NSUN6: variants seen among roughly 807,000 people sequenced by gnomAD.
The protein encoded by NSUN6 is NOP2/Sun RNA methyltransferase 6.
NSUN6 carries 64 observed loss-of-function variants against 58.0 expected under a neutral mutation model. That is an observed-to-expected ratio of 1.10 (90% CI 0.90 to 1.36). The LOEUF is 1.36. Ranked by LOEUF, NSUN6 falls within the 40% of genes most tolerant of loss-of-function variation. The pLI, the probability that NSUN6 is intolerant of heterozygous loss-of-function variation, is 0.00. For synonymous variants in NSUN6, 231 were observed against 193.9 expected, an observed-to-expected ratio of 1.19 and a Z score of -1.59; for missense variants, 701 against 550.1, an observed-to-expected ratio of 1.27 and a Z score of -2.74.
At chr10:18,573,620 C>A (rs75531151) in intron 8 of NSUN6, among the ~76,000 whole-genome samples, 1 of 152,092 alleles carries the variant, frequency 6.6e-6, no homozygotes, top group East Asian at 1.9e-4. Context: ...TTCTCCAGTA[C>A]GTGGATGACC....
At chr10:18,571,389 C>A (rs1047228669) in intron 8 of NSUN6, among the ~76,000 whole-genome samples, 1 of 151,664 alleles carries the variant, frequency 6.6e-6, no homozygotes, top group African/African-American at 2.4e-5. Context: ...CCATTCCATT[C>A]CATTCTACAT....
At chr10:18,646,812 CAG>C (rs1290591418) in intron 2 of NSUN6, among the ~76,000 whole-genome samples, 1 of 152,182 alleles carries the variant, frequency 6.6e-6, no homozygotes, top group Non-Finnish European at 1.5e-5. Context: ...GCCTGGGCGA[CAG>C]AGTGAGACTC....
At chr10:18,633,582 A>T (rs1448657016) in intron 3 of NSUN6, among the ~76,000 whole-genome samples, 2 of 152,148 alleles carry the variant, frequency 1.3e-5, no homozygotes, top group Non-Finnish European at 2.9e-5. Context: ...TGAACAGGAC[A>T]GGCTCCTGGA....
At chr10:18,601,590 G>C (rs764200410) in intron 6 of NSUN6, among the ~76,000 whole-genome samples, 18 of 152,186 alleles carry the variant, frequency 1.2e-4, no homozygotes, top group Non-Finnish European at 2.4e-4. Context: ...TAGAGCTGAG[G>C]TTCCCTACAT....
intron 7 of NSUN6, among the ~76,000 whole-genome samples, chr10:18,589,936 T>C (rs1589977352): frequency 6.6e-6 from 1 of 152,200 alleles, no homozygotes; most frequent in Admixed American, 6.5e-5. Flanking sequence ...AATGACCAAA[T>C]GCCCCAATTA....
chr10:18,567,392 C>A lies in NSUN6; in HGVS notation c.923-15421G>T, dbSNP rs1037056381. Among the ~76,000 whole-genome samples, 24 of 150,306 alleles carry A rather than the reference C, an allele frequency of 1.6e-4. 1 individual carries two copies. Among genetic ancestry groups the A allele is most frequent in the Admixed American group, 1.5e-3 (23 of 15,044 alleles). On this transcript the variant is annotated intron_variant, in intron 8 of 10. Coordinates refer to ENST00000377304, the MANE Select transcript of NSUN6 (RefSeq NM_182543.5). Reference sequence around the variant, plus strand: ...ATTCCATTTTCCATTCCATTCCATACCATTCTCCATCATTGCATTTCATGC... The same window carrying A: ...ATTCCATTTTCCATTCCATTCCATAACATTCTCCATCATTGCATTTCATGC...
intron 8 of NSUN6, among the ~76,000 whole-genome samples, chr10:18,557,535 T>G (rs2055131486): frequency 6.8e-6 from 1 of 146,902 alleles, no homozygotes; most frequent in South Asian, 2.2e-4. Context: ...TGGAATGGAA[T>G]GGAATGGATG....
At chr10:18,645,081 C>G (rs1199600833) in intron 2 of NSUN6, among the ~76,000 whole-genome samples, 1 of 148,584 alleles carries the variant, frequency 6.7e-6, no homozygotes, top group East Asian at 2.0e-4. Context: ...TTGCTTGAAC[C>G]TGGGAGGCAG....
At chr10:18,649,501 G>A (rs371848875) in intron 1 of NSUN6, among the ~76,000 whole-genome samples, 80 of 152,080 alleles carry the variant, frequency 5.3e-4, no homozygotes, top group African/African-American at 1.8e-3. Context: ...GGTGGCCCCT[G>A]TCTGAGGTCC....
In NSUN6 at chr10:18,651,413, C is replaced by T. The variant is rs1157217380; in HGVS notation, c.-210G>A. 4.8e-6 allele frequency: 6 copies of T among 1,256,606 alleles called. No homozygotes were observed. In the South Asian group the frequency reaches 8.0e-5, roughly 17 times the overall value. The allele number at this position is 1,256,606 out of a possible 1,614,324, so 77.8% of individuals were successfully genotyped here. A position where few individuals can be genotyped will look rare whatever the true frequency, so the allele number is the denominator to read the frequency against. On this transcript the variant is annotated 5_prime_UTR_variant, in exon 1 of 11. Transcript: ENST00000377304. Reference sequence around the variant, plus strand: ...AGGGGCTGCCGGGCTTCCACCACACCTCATCGAGGCAATGTTTTCTGGTAG... The same window carrying T: ...AGGGGCTGCCGGGCTTCCACCACACTTCATCGAGGCAATGTTTTCTGGTAG...
intron 5 of NSUN6, among the ~76,000 whole-genome samples, chr10:18,611,361 T>C (rs1230027742): frequency 1.3e-5 from 2 of 152,114 alleles, no homozygotes; most frequent in African/African-American, 4.8e-5. Context: ...TATGAGTTGA[T>C]CTTGGCAGAC....
chr10:18,614,516 T>G lies in NSUN6; in HGVS notation c.519A>C (p.Gly173=). 6.4e-7 allele frequency: 1 copy of G among 1,567,750 alleles called. No homozygotes were observed. Among genetic ancestry groups the G allele is most frequent in the Non-Finnish European group, 8.6e-7 (1 of 1,158,564 alleles). The change falls in exon 5 of 11, where the codon GGA becomes GGC. Residue 173 remains glycine, a synonymous_variant. Coordinates refer to ENST00000377304, the MANE Select transcript of NSUN6 (RefSeq NM_182543.5). The part of the protein sequence containing the change: ...KEFDGTKVFL[G]NGISELSRKE... ...TGCGGCTTAGTTCAGAAATCCCATTTCCAAGAAATACTTTTGTTCCATCAA... is the reference window on the plus strand; with the variant it reads ...TGCGGCTTAGTTCAGAAATCCCATTGCCAAGAAATACTTTTGTTCCATCAA...
At chr10:18,574,068 T>C (rs1415171044) in intron 8 of NSUN6, among the ~76,000 whole-genome samples, 1 of 152,074 alleles carries the variant, frequency 6.6e-6, no homozygotes, top group Non-Finnish European at 1.5e-5. Context: ...TTCCACCTTT[T>C]TGTTAATGTG....
chr10:18,620,988 T>C lies in NSUN6; in HGVS notation c.312-4695A>G, dbSNP rs556007264. Among the ~76,000 whole-genome samples, 5 of 152,358 alleles carry C rather than the reference T, an allele frequency of 3.3e-5. No homozygotes were observed. The South Asian group carries it at 8.3e-4, about 25-fold the overall frequency. ...AAAAAAGTTAACATAGTAGGCCTGA[T>C]CTGTTATCTTTGAAAAGCCTGCTTA... On this transcript the variant is annotated intron_variant, in intron 3 of 10. Transcript: ENST00000377304.
At chr10:18,635,695 A>C (rs771799137) in intron 3 of NSUN6, among the ~76,000 whole-genome samples, 2 of 151,548 alleles carry the variant, frequency 1.3e-5, no homozygotes, top group Non-Finnish European at 2.9e-5. Flanking sequence ...AAAATTAGCC[A>C]GGTATGGTGG....
At chr10:18,656,685 G>A (rs1051811209), upstream of NSUN6, among the ~76,000 whole-genome samples, 2 of 152,004 alleles carry the variant, frequency 1.3e-5, no homozygotes, top group East Asian at 3.8e-4. Flanking sequence ...TTGAATTCCC[G>A]AGTTGTTTGA....
chr10:18,587,562 T>G (rs2057209465), intron 7 of NSUN6, among the ~76,000 whole-genome samples: 1 of 150,156 alleles, frequency 6.7e-6, no homozygotes, highest in Non-Finnish European at 1.5e-5. Context: ...AGAACGTGAG[T>G]GATTTCTGCA....
At chr10:18,565,508 T>TTCTAC (rs1394416319) in intron 8 of NSUN6, among the ~76,000 whole-genome samples, 3 of 151,068 alleles carry the variant, frequency 2.0e-5, no homozygotes, top group East Asian at 3.9e-4. Context: ...TTCCATTCTA[T>TTCTAC]TCTACTCCAT....
chr10:18,553,451 A>G (rs923035420), intron 8 of NSUN6, among the ~76,000 whole-genome samples: 3 of 151,618 alleles, frequency 2.0e-5, no homozygotes, highest in African/African-American at 7.3e-5. Flanking sequence ...TGCGAAATGG[A>G]ATGGAATGGA....
Sources: gnomAD v4.1 joint callset for allele counts (sites outside exome capture counted in the v4.1 genomes callset) on GRCh38, gnomAD v4.1.1 for gene constraint, MANE v1.5 for transcripts, NCBI Gene and HGNC (gene_info 2026-07-23, HGNC 2026-07-21) for gene names.